The following LMBRD1 variants were observed in gnomAD, a reference collection of about 807,000 sequenced individuals.
The protein encoded by LMBRD1 is lysosomal cobalamin transport escort protein LMBD1.
Under a neutral mutation model 74.8 loss-of-function variants are expected in LMBRD1, and 64 were observed. The observed-to-expected ratio is 0.86, with a 90% CI of 0.70 to 1.05. The LOEUF is 1.05. Ranked by LOEUF, LMBRD1 falls within the 50% of genes least tolerant of loss-of-function variation. The pLI is 0.00. For missense variants in LMBRD1, 652 were observed against 645.9 expected (o/e 1.01, Z -0.10); for synonymous variants, 204 against 216.3 (o/e 0.94, Z 0.50).
chr6:69,691,237 GA>G (rs771503045), intron 14 of LMBRD1, among the ~76,000 whole-genome samples: 133 of 122,528 alleles, frequency 1.1e-3, no homozygotes, highest in Non-Finnish European at 1.2e-3. Context: ...GTTAAATGTT[GA>G]AAAAAAAAAA....
chr6:69,780,575 A>G (rs1224589132), intron 2 of LMBRD1, 21 bp from the exon 3 acceptor site: 2 of 1,577,088 alleles, frequency 1.3e-6, no homozygotes, highest in Non-Finnish European at 1.7e-6. Context: ...AGGAAACAAT[A>G]GAAATATTAA....
chr6:69,725,349 A>T (rs972311888), intron 7 of LMBRD1, among the ~76,000 whole-genome samples: 7 of 141,508 alleles, frequency 4.9e-5, no homozygotes, highest in African/African-American at 1.9e-4. Context: ...TCACACACAC[A>T]CACACACACA....
intron 1 of LMBRD1, 74 bp downstream of exon 1, chr6:69,796,739 G>A (rs896664958): frequency 1.2e-5 from 17 of 1,422,830 alleles, no homozygotes; most frequent in Admixed American, 1.8e-5. Flanking sequence ...GGCCCGGAGA[G>A]GCCAACTGCA....
At chr6:69,757,080 G>C (rs1765282976) in intron 3 of LMBRD1, among the ~76,000 whole-genome samples, 1 of 152,200 alleles carries the variant, frequency 6.6e-6, no homozygotes, top group Non-Finnish European at 1.5e-5. Context: ...TGATCAACAA[G>C]TGGATGGATA....
chr6:69,738,080 A>AT, intron 6 of LMBRD1, 65 bp from the exon 7 acceptor site: 1 of 1,186,988 alleles, frequency 8.4e-7, no homozygotes, highest in East Asian at 2.5e-5. Flanking sequence ...TATTTAGCAA[A>AT]TCAACATAGA....
chr6:69,792,575 A>C (rs1393806759), intron 1 of LMBRD1, among the ~76,000 whole-genome samples: 1 of 152,212 alleles, frequency 6.6e-6, no homozygotes. Context: ...ACAAACAAAC[A>C]AAAAGGATCT....
chr6:69,740,997 G>C (rs1052670952), intron 6 of LMBRD1, among the ~76,000 whole-genome samples: 1 of 151,874 alleles, frequency 6.6e-6, no homozygotes, highest in South Asian at 2.1e-4. Context: ...AAAATATTTT[G>C]ATGAGGTAAA....
intron 14 of LMBRD1, among the ~76,000 whole-genome samples, chr6:69,694,957 G>A (rs1004304450): frequency 6.6e-6 from 1 of 151,960 alleles, no homozygotes; most frequent in Non-Finnish European, 1.5e-5. Flanking sequence ...CTCAGTATAT[G>A]TCCTGAGCTC....
Position 69,750,531 on chromosome 6 carries a change from G to A in LMBRD1, c.406-1123C>T, listed in dbSNP as rs1167760376. Among the ~76,000 whole-genome samples, 7 of 152,084 alleles carry A rather than the reference G, an allele frequency of 4.6e-5. No individual in the cohort carries two copies. The East Asian group carries it at 7.7e-4, about 17-fold the overall frequency. On this transcript the variant is annotated intron_variant, in intron 4 of 15. Transcript: ENST00000649934. ...ATAACATTTGTCCTCTCAGACTAACGAAGTATCTAAAAATCATCTTTTAAA... is the reference window on the plus strand; with the variant it reads ...ATAACATTTGTCCTCTCAGACTAACAAAGTATCTAAAAATCATCTTTTAAA...
chr6:69,690,892 T>G (rs1469162568), intron 14 of LMBRD1, among the ~76,000 whole-genome samples: 1 of 152,146 alleles, frequency 6.6e-6, no homozygotes, highest in Non-Finnish European at 1.5e-5. Flanking sequence ...TCCTAACAAT[T>G]TAAGATTTGC....
chr6:69,717,720 G>T (rs191674778), intron 8 of LMBRD1, among the ~76,000 whole-genome samples: 3 of 152,030 alleles, frequency 2.0e-5, no homozygotes, highest in Non-Finnish European at 4.4e-5. Context: ...TTTAAACAGG[G>T]TCTTGCTCCA....
Position 69,685,476 on chromosome 6 carries a change from A to C in LMBRD1, c.1418-8935T>G, listed in dbSNP as rs918317688. On this transcript the variant is annotated intron_variant, in intron 14 of 15. Coordinates refer to ENST00000649934, the MANE Select transcript of LMBRD1 (RefSeq NM_018368.4). ...CCACAGTGTGGTTCCCAGACCAGAA[A>C]ATTCTAGGGTCCCACCTCAGATCCA... 2.4e-4 allele frequency among the ~76,000 whole-genome samples: 36 copies of C among 152,104 alleles called. 2 individuals carry two copies.
chr6:69,732,083 T>G lies in LMBRD1; in HGVS notation c.636+5859A>C, dbSNP rs74633432. 4.3e-3 allele frequency among the ~76,000 whole-genome samples: 650 copies of G among 152,312 alleles called. 8 individuals carry two copies. The highest frequency in any genetic ancestry group is 0.015 in the African/African-American group (614 of 41,570). ...GTAGCATATATTCAGTGAAATATGCTATCACATAGGCTGAGAAATTTGACT... is the reference window on the plus strand; with the variant it reads ...GTAGCATATATTCAGTGAAATATGCGATCACATAGGCTGAGAAATTTGACT... On this transcript the variant is annotated intron_variant, in intron 7 of 15. Transcript: ENST00000649934.
intron 14 of LMBRD1, among the ~76,000 whole-genome samples, chr6:69,677,990 C>G (rs1765581361): frequency 6.6e-6 from 1 of 152,096 alleles, no homozygotes; most frequent in Non-Finnish European, 1.5e-5. Flanking sequence ...TGTGGCAACA[C>G]AGTACAGTTG....
At chr6:69,717,665 T>G (rs1462282193) in intron 8 of LMBRD1, among the ~76,000 whole-genome samples, 4 of 152,330 alleles carry the variant, frequency 2.6e-5, no homozygotes, top group Non-Finnish European at 4.4e-5. Context: ...ATTCTCTTAT[T>G]ATAGCACAGG....
At chr6:69,753,504 A>G (rs79919082) in intron 3 of LMBRD1, among the ~76,000 whole-genome samples, 3,714 of 152,312 alleles carry the variant, frequency 0.024, 131 homozygotes, top group African/African-American at 0.081. Flanking sequence ...AAAATGGTAT[A>G]GCAGCTGTGG....
chr6:69,683,665 C>T (rs1347550113), intron 14 of LMBRD1, among the ~76,000 whole-genome samples: 2 of 150,940 alleles, frequency 1.3e-5, no homozygotes, highest in Non-Finnish European at 2.9e-5. Flanking sequence ...AAAATTTTAA[C>T]CTGTTGAAAA....
chr6:69,769,403 T>G (rs1185850898), intron 3 of LMBRD1, among the ~76,000 whole-genome samples: 4 of 152,208 alleles, frequency 2.6e-5, no homozygotes, highest in Non-Finnish European at 5.9e-5. Context: ...TCACACTTTA[T>G]TTTCATTCTT....
chr6:69,727,622 T>G (rs1464272161), intron 7 of LMBRD1, among the ~76,000 whole-genome samples: 4 of 152,188 alleles, frequency 2.6e-5, no homozygotes, highest in Admixed American at 2.6e-4. Flanking sequence ...ATGGCTACAC[T>G]AAAAGCCTAG....
Sources: allele counts gnomAD v4.1 joint callset (sites outside exome capture counted in the v4.1 genomes callset), GRCh38; gene constraint gnomAD v4.1.1; transcripts MANE v1.5; gene names NCBI Gene and HGNC (gene_info 2026-07-23, HGNC 2026-07-21).